NECTIN3: variants seen among roughly 807,000 people sequenced by gnomAD.
NECTIN3 encodes the protein nectin cell adhesion molecule 3.
NECTIN3 carries 8 observed loss-of-function variants against 49.4 expected under a neutral mutation model. The ratio of observed to expected loss-of-function variants is 0.16; its 90% confidence interval spans 0.10 to 0.29. The LOEUF (loss-of-function observed/expected upper bound fraction) is 0.29. NECTIN3 is among the 10% of genes least tolerant of loss of function. The probability of loss-of-function intolerance (pLI) is 1.00; values close to 1 mark genes in which losing one functional copy is unlikely to be tolerated. For synonymous variants in NECTIN3, 277 were observed against 241.1 expected (o/e 1.15, Z -1.38); for missense variants, 581 against 654.6 (o/e 0.89, Z 1.23).
At chr3:111,165,571 C>T (rs1275145780) in intron 7 of NECTIN3, among the ~76,000 whole-genome samples, 1 of 152,056 alleles carries the variant, frequency 6.6e-6, no homozygotes, top group Non-Finnish European at 1.5e-5. Flanking sequence ...TGCCGGAGTA[C>T]GGTATGGAAT....
chr3:111,081,575 C>T (rs906646008), intron 1 of NECTIN3, among the ~76,000 whole-genome samples: 1 of 152,024 alleles, frequency 6.6e-6, no homozygotes, highest in Non-Finnish European at 1.5e-5. Flanking sequence ...ATACAACAAA[C>T]AATACAGTGA....
intron 1 of NECTIN3, among the ~76,000 whole-genome samples, chr3:111,097,907 A>G (rs182583584): frequency 1.3e-5 from 2 of 152,340 alleles, no homozygotes; most frequent in African/African-American, 4.8e-5. Flanking sequence ...TATAAAAATG[A>G]AGCTGCTCTG....
At chr3:111,193,646 A>G (rs773390675) in intron 1 of NECTIN3, 8 of 426,774 alleles carry the variant, frequency 1.9e-5, no homozygotes, top group Non-Finnish European at 2.1e-5. Context: ...TTGGCCTACA[A>G]TGGCATTTTC....
intron 7 of NECTIN3, among the ~76,000 whole-genome samples, chr3:111,161,710 G>GA (rs1398588995): frequency 1.3e-5 from 2 of 152,220 alleles, no homozygotes; most frequent in East Asian, 1.9e-4. Flanking sequence ...CTGCTCCATG[G>GA]AAAAAATCGT....
At chr3:111,074,692 A>C (rs113370354) in intron 1 of NECTIN3, among the ~76,000 whole-genome samples, 1 of 152,032 alleles carries the variant, frequency 6.6e-6, no homozygotes, top group Admixed American at 6.6e-5. Context: ...CAGGTTGTCA[A>C]ATTGCCAGAT....
Position 111,123,605 on chromosome 3 carries a change from AT to A in NECTIN3, c.917+1370del, listed in dbSNP as rs1278230734. On this transcript the variant is annotated intron_variant, in intron 4 of 5. Coordinates refer to ENST00000485303, the MANE Select transcript of NECTIN3 (RefSeq NM_015480.3). ...TTTGCCCCAGAGATGAATGTCTGGT[AT>A]TTGTACAGAGTTGGGAGGAATCTGT... 5.3e-5 allele frequency among the ~76,000 whole-genome samples: 8 copies of A among 152,192 alleles called. No individual in the cohort carries two copies. The East Asian group carries it at 1.5e-3, about 29-fold the overall frequency.
chr3:111,173,968 G>A (rs1218370893), intron 7 of NECTIN3, among the ~76,000 whole-genome samples: 7 of 151,958 alleles, frequency 4.6e-5, no homozygotes, highest in East Asian at 3.9e-4. Flanking sequence ...TATCATTATC[G>A]TCATCATCCA....
At chr3:111,078,702 T>C (rs1455473886) in intron 1 of NECTIN3, among the ~76,000 whole-genome samples, 1 of 152,182 alleles carries the variant, frequency 6.6e-6, no homozygotes, top group African/African-American at 2.4e-5. Flanking sequence ...TTAAAGATAT[T>C]ACTTGAGATA....
chr3:111,133,335 C>A (rs2034458136), intron 5 of NECTIN3, among the ~76,000 whole-genome samples: 1 of 151,694 alleles, frequency 6.6e-6, no homozygotes. Context: ...AAAATAAGGA[C>A]CTCTTTTCTG....
At chr3:111,180,376 C>T (rs565642465) in intron 7 of NECTIN3, among the ~76,000 whole-genome samples, 2 of 152,120 alleles carry the variant, frequency 1.3e-5, no homozygotes, top group African/African-American at 4.8e-5. Flanking sequence ...ATATGACTAG[C>T]GTACGCATAT....
chr3:111,080,988 A>T (rs982070055), intron 1 of NECTIN3, among the ~76,000 whole-genome samples: 1 of 152,196 alleles, frequency 6.6e-6, no homozygotes, highest in African/African-American at 2.4e-5. Context: ...AAACATATTT[A>T]AAACACAAAG....
chr3:111,157,018 A>G (rs1175073410), intron 7 of NECTIN3, among the ~76,000 whole-genome samples: 1 of 152,128 alleles, frequency 6.6e-6, no homozygotes, highest in Non-Finnish European at 1.5e-5. Context: ...TGGGAATCTT[A>G]TTCTGAGAAA....
chr3:111,082,200 A>G (rs930586422), intron 1 of NECTIN3, among the ~76,000 whole-genome samples: 2 of 152,158 alleles, frequency 1.3e-5, no homozygotes, highest in Non-Finnish European at 2.9e-5. Context: ...TGATTAATCA[A>G]TCCAGTAAGG....
At chr3:111,172,498 T>C (rs1047197834) in intron 7 of NECTIN3, among the ~76,000 whole-genome samples, 5 of 152,194 alleles carry the variant, frequency 3.3e-5, no homozygotes, top group African/African-American at 1.2e-4. Context: ...TCAGATTCTT[T>C]ATGTGCTCAT....
At chr3:111,151,566 C>G (rs1023418623) in intron 7 of NECTIN3, among the ~76,000 whole-genome samples, 5 of 151,878 alleles carry the variant, frequency 3.3e-5, no homozygotes, top group East Asian at 1.9e-4. Context: ...TCTGCAGTGC[C>G]TTTCCCCACC....
At chr3:111,112,680 TC>T (rs1215641788) in intron 2 of NECTIN3, among the ~76,000 whole-genome samples, 2 of 152,194 alleles carry the variant, frequency 1.3e-5, no homozygotes, top group East Asian at 3.9e-4. Flanking sequence ...TTTCATTACC[TC>T]CCCTCAAATT....
At chr3:111,155,941 C>G (rs1183768670) in intron 7 of NECTIN3, among the ~76,000 whole-genome samples, 2 of 152,134 alleles carry the variant, frequency 1.3e-5, no homozygotes, top group Admixed American at 1.3e-4. Flanking sequence ...GGAGACTTAT[C>G]TCAGGCTATT....
chr3:111,140,609 T>C (rs2034718330), downstream of NECTIN3, among the ~76,000 whole-genome samples: 1 of 150,772 alleles, frequency 6.6e-6, no homozygotes. Flanking sequence ...TGTGTCTTAG[T>C]TATTTACCTG....
chr3:111,182,983 T>C (rs1465983070), intron 7 of NECTIN3, among the ~76,000 whole-genome samples: 3 of 152,016 alleles, frequency 2.0e-5, no homozygotes, highest in Non-Finnish European at 4.4e-5. Context: ...TTTAAATACA[T>C]TTATTTAGTA....
Sources: gnomAD v4.1 joint callset for allele counts (sites outside exome capture counted in the v4.1 genomes callset) on GRCh38, gnomAD v4.1.1 for gene constraint, MANE v1.5 for transcripts, NCBI Gene and HGNC (gene_info 2026-07-23, HGNC 2026-07-21) for gene names.